Variants in OPCML observed in about 807,000 individuals in gnomAD.
The protein encoded by OPCML is opioid binding protein/cell adhesion molecule like.
OPCML carries 13 observed loss-of-function variants against 37.8 expected under a neutral mutation model. The observed-to-expected ratio is 0.34, with a 90% confidence interval of 0.22 to 0.55. The LOEUF (loss-of-function observed/expected upper bound fraction) is 0.55. OPCML is among the 20% of genes least tolerant of loss of function. The pLI, the probability that OPCML is intolerant of heterozygous loss-of-function variation, is 0.91. For synonymous variants in OPCML, 176 were observed against 168.8 expected, an observed-to-expected ratio of 1.04 and a Z score of -0.33; for missense variants, 341 against 435.6, an observed-to-expected ratio of 0.78 and a Z score of 1.93.
chr11:132,598,742 C>T (rs934215568), intron 3 of OPCML, among the ~76,000 whole-genome samples: 1 of 152,168 alleles, frequency 6.6e-6, no homozygotes, highest in Non-Finnish European at 1.5e-5. Context: ...ATCCTTTATA[C>T]ATTGAAATTT....
intron 1 of OPCML, among the ~76,000 whole-genome samples, chr11:133,332,399 T>C (rs1159068739): frequency 6.6e-6 from 1 of 152,224 alleles, no homozygotes; most frequent in Admixed American, 6.5e-5. Flanking sequence ...TCTCTCTTCC[T>C]ATTTGGATGC....
At chr11:133,231,646 C>T (rs1244719455) in intron 1 of OPCML, among the ~76,000 whole-genome samples, 1 of 152,136 alleles carries the variant, frequency 6.6e-6, no homozygotes, top group Non-Finnish European at 1.5e-5. Flanking sequence ...GTAATTGAGA[C>T]CTTAGGCTCT....
rs140185854 is a variant in OPCML, at chr11:133,458,819, G to A, written c.61+73445C>T. ...CGTGTGTGTGTATATACACATAGAT[G>A]CACGTGTGTGTGTATATACACATAG... On this transcript the variant is annotated intron_variant, in intron 1 of 7. Transcript: ENST00000524381. Among the ~76,000 whole-genome samples the A allele has an allele frequency of 8.7e-4, 109 of 124,642 alleles. 5 individuals carry two copies. The highest frequency in any genetic ancestry group is 4.1e-3 in the African/African-American group (100 of 24,488). 81.8% of individuals were successfully genotyped at this position (124,642 alleles called of 152,430 possible).
intron 1 of OPCML, among the ~76,000 whole-genome samples, chr11:133,290,161 G>A (rs1410254524): frequency 6.6e-6 from 1 of 152,202 alleles, no homozygotes; most frequent in Non-Finnish European, 1.5e-5. Flanking sequence ...TGTGAATGCA[G>A]CATCACAAAG....
intron 1 of OPCML, among the ~76,000 whole-genome samples, chr11:133,369,388 A>G (rs2136746669): frequency 6.6e-6 from 1 of 152,312 alleles, no homozygotes; most frequent in Middle Eastern, 3.4e-3. Flanking sequence ...CAATGTAGAA[A>G]AGCTCCCCAA....
chr11:133,160,628 C>T (rs181539691), intron 1 of OPCML, among the ~76,000 whole-genome samples: 1 of 152,262 alleles, frequency 6.6e-6, no homozygotes, highest in Non-Finnish European at 1.5e-5. Context: ...GCCTCCCAAC[C>T]TTCTTCCCTG....
chr11:133,493,470 A>T (rs756848987), intron 1 of OPCML, among the ~76,000 whole-genome samples: 1 of 152,210 alleles, frequency 6.6e-6, no homozygotes, highest in Non-Finnish European at 1.5e-5. Flanking sequence ...TTTTTACAGA[A>T]ATGAGTTTAA....
intron 1 of OPCML, among the ~76,000 whole-genome samples, chr11:133,121,189 G>A (rs771689191): frequency 1.3e-5 from 2 of 152,164 alleles, no homozygotes; most frequent in African/African-American, 2.4e-5. Flanking sequence ...AAAGTGCTGA[G>A]ATTACAGGCA....
chr11:132,531,869 T>C (rs7106382), intron 3 of OPCML, among the ~76,000 whole-genome samples: 16,180 of 152,010 alleles, frequency 0.11, 2,033 homozygotes, highest in African/African-American at 0.3. Context: ...TTCCAAAATA[T>C]TCTCAGAATA....
intron 1 of OPCML, among the ~76,000 whole-genome samples, chr11:133,252,714 C>T (rs1941175009): frequency 6.6e-6 from 1 of 152,188 alleles, no homozygotes; most frequent in Admixed American, 6.5e-5. Flanking sequence ...GACAGCCACT[C>T]GGGCTTTTTT....
chr11:132,451,777 C>G (rs529983926), intron 4 of OPCML, among the ~76,000 whole-genome samples: 9 of 152,106 alleles, frequency 5.9e-5, no homozygotes, highest in Admixed American at 1.3e-4. Context: ...TGGTGGAGAA[C>G]AAAAGCACAA....
At chr11:133,375,084 C>T (rs553101108) in intron 1 of OPCML, among the ~76,000 whole-genome samples, 11 of 152,166 alleles carry the variant, frequency 7.2e-5, no homozygotes, top group East Asian at 5.8e-4. Context: ...AAAGCACGTG[C>T]TCTCTCCTTC....
rs144175680 is a variant in OPCML, at chr11:132,924,466, A to G, written c.146+18460T>C. On this transcript the variant is annotated intron_variant, in intron 2 of 7. Transcript: ENST00000524381. Reference sequence around the variant, plus strand: ...TTGAAGAACTTTTAACATTTCTTGCAAAGCAAGTCTATTGAAGACAAATCT... The same window carrying G: ...TTGAAGAACTTTTAACATTTCTTGCGAAGCAAGTCTATTGAAGACAAATCT... 7.0e-3 allele frequency among the ~76,000 whole-genome samples: 1,068 copies of G among 152,328 alleles called. 7 individuals are homozygous for G. The highest frequency in any genetic ancestry group is 0.012 in the Admixed American group (186 of 15,302).
chr11:132,992,191 T>C (rs1339003225), intron 1 of OPCML, among the ~76,000 whole-genome samples: 1 of 152,100 alleles, frequency 6.6e-6, no homozygotes, highest in Non-Finnish European at 1.5e-5. Flanking sequence ...AAGGCTTGGC[T>C]TCAAGTCTCT....
Position 133,239,601 on chromosome 11 carries a change from C to T in OPCML, c.61+292663G>A, listed in dbSNP as rs989299476. 1.1e-4 allele frequency among the ~76,000 whole-genome samples: 17 copies of T among 152,330 alleles called. No homozygotes were observed. The South Asian group carries it at 3.5e-3, about 32-fold the overall frequency. ...TCTGCAGCAGACACCCCACCCGCTG[C>T]CTGCCAAGTGAGAAAGACCAAAAAG... On this transcript the variant is annotated intron_variant, in intron 1 of 7. Coordinates refer to ENST00000524381, the MANE Select transcript of OPCML (RefSeq NM_001012393.5).
At chr11:132,844,652 A>G (rs1941442775) in intron 2 of OPCML, among the ~76,000 whole-genome samples, 1 of 152,222 alleles carries the variant, frequency 6.6e-6, no homozygotes, top group South Asian at 2.1e-4. Flanking sequence ...CAGATAATAA[A>G]TATTTTAGGC....
At chr11:133,400,225 G>A (rs1945373248) in intron 1 of OPCML, among the ~76,000 whole-genome samples, 1 of 152,174 alleles carries the variant, frequency 6.6e-6, no homozygotes, top group Admixed American at 6.5e-5. Context: ...TTTGTAGAAT[G>A]TTCAAGTTGG....
intron 2 of OPCML, among the ~76,000 whole-genome samples, chr11:132,934,267 C>A (rs919137023): frequency 6.6e-6 from 1 of 152,100 alleles, no homozygotes; most frequent in African/African-American, 2.4e-5. Flanking sequence ...CCTGGCAGGA[C>A]AAGGCAGGGT....
chr11:133,399,260 T>G (rs1945350499), intron 1 of OPCML, among the ~76,000 whole-genome samples: 1 of 152,222 alleles, frequency 6.6e-6, no homozygotes, highest in South Asian at 2.1e-4. Flanking sequence ...CTGCCATCTC[T>G]ATTGATGACG....
Sources: gnomAD v4.1 joint callset for allele counts (sites outside exome capture counted in the v4.1 genomes callset) on GRCh38, gnomAD v4.1.1 for gene constraint, MANE v1.5 for transcripts, NCBI Gene and HGNC (gene_info 2026-07-23, HGNC 2026-07-21) for gene names.